RAD51B: variants seen among roughly 807,000 people sequenced by gnomAD.
RAD51B encodes the protein DNA repair protein RAD51 homolog 2.
Under a neutral mutation model 42.2 loss-of-function variants are expected in RAD51B, and 38 were observed. The ratio of observed to expected loss-of-function variants is 0.90; its 90% CI spans 0.70 to 1.18. The LOEUF (loss-of-function observed/expected upper bound fraction) is 1.18, where lower values mean the gene tolerates loss of function less well. Among genes scored for constraint, RAD51B ranks in the 50% most tolerant of loss-of-function variants. The probability of loss-of-function intolerance (pLI) is 0.00; values close to 1 mark genes in which losing one functional copy is unlikely to be tolerated. For synonymous variants in RAD51B, 154 were observed against 145.2 expected, an observed-to-expected ratio of 1.06 and a Z score of -0.43; for missense variants, 373 against 400.7, an observed-to-expected ratio of 0.93 and a Z score of 0.59.
chr14:68,077,522 A>T (rs995771069), intron 7 of RAD51B, among the ~76,000 whole-genome samples: 34 of 152,250 alleles, frequency 2.2e-4, no homozygotes, highest in African/African-American at 8.0e-4. Flanking sequence ...TTCTAAGCAT[A>T]CACACATTTA....
chr14:68,135,334 C>A (rs2077985735), intron 7 of RAD51B, among the ~76,000 whole-genome samples: 1 of 152,172 alleles, frequency 6.6e-6, no homozygotes, highest in South Asian at 2.1e-4. Flanking sequence ...TAATATTTTT[C>A]TTTCTACACA....
intron 7 of RAD51B, among the ~76,000 whole-genome samples, chr14:68,024,514 C>T (rs903825393): frequency 6.6e-6 from 1 of 151,914 alleles, no homozygotes; most frequent in African/African-American, 2.4e-5. Context: ...CTGATTTTTT[C>T]AGCAGTGTTT....
intron 8 of RAD51B, among the ~76,000 whole-genome samples, chr14:68,400,302 G>A (rs540696140): frequency 1.3e-5 from 2 of 152,306 alleles, no homozygotes; most frequent in South Asian, 4.1e-4. Context: ...ATCTTACCCA[G>A]AAAGAGTGAC....
intron 11 of RAD51B, among the ~76,000 whole-genome samples, chr14:68,660,636 C>A (rs547153216): frequency 5.3e-4 from 80 of 152,288 alleles, no homozygotes; most frequent in Middle Eastern, 3.4e-3. Context: ...AGCTACTGTT[C>A]TGATCTGTCT....
At chr14:68,009,440 T>C (rs2075648175) in intron 7 of RAD51B, among the ~76,000 whole-genome samples, 1 of 151,978 alleles carries the variant, frequency 6.6e-6, no homozygotes. Context: ...CTTTTTGCCT[T>C]TTCTTCATGG....
intron 5 of RAD51B, among the ~76,000 whole-genome samples, chr14:67,868,062 A>G (rs1467399296): frequency 6.6e-6 from 1 of 152,206 alleles, no homozygotes; most frequent in African/African-American, 2.4e-5. Context: ...TAGGTTTAAA[A>G]TGTATTAAAG....
chr14:68,597,643 G>T (rs1435299977), downstream of RAD51B, among the ~76,000 whole-genome samples: 5 of 152,266 alleles, frequency 3.3e-5, no homozygotes, highest in Non-Finnish European at 5.9e-5. Flanking sequence ...GTCTACTCAT[G>T]GGTGGAGGGA....
chr14:68,433,012 TA>T (rs2085051977), intron 9 of RAD51B, among the ~76,000 whole-genome samples: 1 of 152,218 alleles, frequency 6.6e-6, no homozygotes, highest in Non-Finnish European at 1.5e-5. Flanking sequence ...TTATGAAGCT[TA>T]GTTTGGCTGG....
intron 8 of RAD51B, among the ~76,000 whole-genome samples, chr14:68,380,744 C>A (rs989151612): frequency 6.6e-6 from 1 of 152,170 alleles, no homozygotes; most frequent in African/African-American, 2.4e-5. Context: ...TCTTTTGTTG[C>A]AATCTTAGGG....
chr14:68,241,669 TA>T (rs1285263750), intron 7 of RAD51B, among the ~76,000 whole-genome samples: 5 of 152,168 alleles, frequency 3.3e-5, no homozygotes, highest in South Asian at 2.1e-4. Context: ...TCTCAGGTTT[TA>T]TTTTTTTTTT....
chr14:68,393,608 G>A (rs1054794111), intron 8 of RAD51B, among the ~76,000 whole-genome samples: 3 of 152,176 alleles, frequency 2.0e-5, no homozygotes, highest in South Asian at 2.1e-4. Flanking sequence ...AAAAGGCAAG[G>A]TCTTTATCAT....
intron 9 of RAD51B, among the ~76,000 whole-genome samples, chr14:68,451,655 G>A (rs574450420): frequency 1.4e-3 from 216 of 152,338 alleles, no homozygotes; most frequent in Non-Finnish European, 2.2e-3. Context: ...TAGGGAAATA[G>A]TAAGAATGCT....
chr14:67,982,342 T>C (rs2075110081), intron 7 of RAD51B, among the ~76,000 whole-genome samples: 1 of 152,210 alleles, frequency 6.6e-6, no homozygotes, highest in African/African-American at 2.4e-5. Context: ...CAGTTCACCA[T>C]TGAAAGCAAT....
intron 7 of RAD51B, among the ~76,000 whole-genome samples, chr14:68,283,579 A>AGT (rs2081360958): frequency 6.6e-6 from 1 of 152,218 alleles, no homozygotes; most frequent in South Asian, 2.1e-4. Flanking sequence ...TATTTCCTGC[A>AGT]GTGGGCCCAA....
intron 9 of RAD51B, among the ~76,000 whole-genome samples, chr14:68,462,536 T>C (rs1188534776): frequency 1.3e-5 from 2 of 152,212 alleles, no homozygotes. Flanking sequence ...ACCTTAAATG[T>C]TCCTCCAAAG....
At chr14:67,844,066 T>G (rs553292837) in intron 4 of RAD51B, among the ~76,000 whole-genome samples, 2 of 152,294 alleles carry the variant, frequency 1.3e-5, no homozygotes, top group East Asian at 3.9e-4. Context: ...TCTCATTAGT[T>G]TCAAAGAATT....
chr14:67,948,592 A>G (rs990073120), intron 7 of RAD51B, among the ~76,000 whole-genome samples: 5 of 152,088 alleles, frequency 3.3e-5, no homozygotes, highest in Admixed American at 2.0e-4. Context: ...AGTTATGTTT[A>G]TACTACATTG....
chr14:68,100,682 G>A (rs2077273916), intron 7 of RAD51B, among the ~76,000 whole-genome samples: 1 of 152,040 alleles, frequency 6.6e-6, no homozygotes, highest in African/African-American at 2.4e-5. Flanking sequence ...CCTCAAAGGG[G>A]CTATGAATAT....
intron 8 of RAD51B, among the ~76,000 whole-genome samples, chr14:68,365,478 A>C (rs889412427): frequency 6.6e-6 from 1 of 152,252 alleles, no homozygotes; most frequent in Non-Finnish European, 1.5e-5. Context: ...ATGGTGTATC[A>C]TACAATCTAG....
Sources: gnomAD v4.1 joint callset for allele counts (sites outside exome capture counted in the v4.1 genomes callset) on GRCh38, gnomAD v4.1.1 for gene constraint, MANE v1.5 for transcripts, NCBI Gene and HGNC (gene_info 2026-07-23, HGNC 2026-07-21) for gene names.